ILF2: variants seen among roughly 807,000 people sequenced by gnomAD.
ILF2 encodes the protein interleukin enhancer binding factor 2.
Under a neutral mutation model 55.3 loss-of-function variants are expected in ILF2, and 9 were observed. The observed-to-expected ratio is 0.16, with a 90% CI of 0.10 to 0.28. The LOEUF (loss-of-function observed/expected upper bound fraction) is 0.28, where lower values mean the gene tolerates loss of function less well. ILF2 is among the 10% of genes least tolerant of loss of function. The probability of loss-of-function intolerance (pLI) is 1.00; values close to 1 mark genes in which losing one functional copy is unlikely to be tolerated. For missense variants in ILF2, 266 were observed against 474.9 expected, an observed-to-expected ratio of 0.56 and a Z score of 4.09; for synonymous variants, 151 against 161.8, an observed-to-expected ratio of 0.93 and a Z score of 0.50.
chr1:153,663,193 C>T (rs764018186), intron 11 of ILF2, 22 bp downstream of exon 11: 2 of 1,614,016 alleles, frequency 1.2e-6, no homozygotes, highest in African/African-American at 1.3e-5. Context: ...ACAACCAACC[C>T]TAAACCCAAA....
chr1:153,668,426 T>A (rs1669361865), intron 4 of ILF2, 27 bp downstream of exon 4: 1 of 1,613,892 alleles, frequency 6.2e-7, no homozygotes, highest in Non-Finnish European at 8.5e-7. Context: ...TTAGAGACAT[T>A]TCTGGAAGAC....
chr1:153,664,979 C>T (rs138199848), intron 8 of ILF2, among the ~76,000 whole-genome samples: 2 of 152,354 alleles, frequency 1.3e-5, no homozygotes, highest in African/African-American at 4.8e-5. Flanking sequence ...TAAATATTTT[C>T]TCAGTCCTTT....
At chr1:153,664,862 C>G (rs1669269345) in intron 8 of ILF2, among the ~76,000 whole-genome samples, 1 of 152,182 alleles carries the variant, frequency 6.6e-6, no homozygotes, top group Non-Finnish European at 1.5e-5. Context: ...CCGACCAACT[C>G]TGCAATTCTT....
At position 153,665,346 on chromosome 1, in the gene ILF2, CAG is replaced by C; in HGVS notation, c.461-12_461-11del. ...GTCAGCATGGTTAAAACTGAAAAAA[CAG>C]AATAAACAAAAACTATAACTCACAT... On this transcript the variant is annotated splice_polypyrimidine_tract_variant and intron_variant, in intron 7 of 13. Coordinates refer to ENST00000361891, the MANE Select transcript of ILF2 (RefSeq NM_004515.4). The C allele has an allele frequency of 6.5e-7, 1 of 1,527,460 alleles. No homozygotes were observed. Among genetic ancestry groups the C allele is most frequent in the South Asian group, 1.1e-5 (1 of 88,548 alleles). The allele number at this position is 1,527,460 out of a possible 1,614,324, so 94.6% of individuals were successfully genotyped here.
intron 3 of ILF2, among the ~76,000 whole-genome samples, chr1:153,668,900 A>C (rs1421660655): frequency 1.3e-5 from 2 of 151,858 alleles, no homozygotes; most frequent in African/African-American, 4.8e-5. Context: ...CCTGCCTCAA[A>C]AAAAAAAATT....
At chr1:153,664,210 T>C (rs1669249623) in intron 9 of ILF2, 80 bp from the exon 10 acceptor site, 1 of 1,002,766 alleles carries the variant, frequency 1.0e-6, no homozygotes, top group Admixed American at 2.1e-5. Context: ...AAGCTGACTA[T>C]GCTATTTCCA....
intron 2 of ILF2, 65 bp from the exon 3 acceptor site, chr1:153,669,943 C>T: frequency 2.2e-6 from 3 of 1,378,082 alleles, no homozygotes; most frequent in Non-Finnish European, 2.1e-6. Flanking sequence ...AAATAACACG[C>T]CAACAATTTT....
At position 153,661,875 on chromosome 1, in the gene ILF2, C is replaced by CCTT. The variant is rs1332501975; in HGVS notation, c.*518_*520dup. The CCTT allele has an allele frequency of 6.4e-6, 1 of 155,246 alleles. No homozygotes were observed. Among genetic ancestry groups the CCTT allele is most frequent in the African/African-American group, 2.4e-5 (1 of 41,438 alleles). The allele number at this position is 155,246 out of a possible 1,614,324, so 9.6% of individuals were successfully genotyped here. A position where few individuals can be genotyped will look rare whatever the true frequency, so the allele number is the denominator to read the frequency against. On this transcript the variant is annotated 3_prime_UTR_variant, in exon 14 of 14. Transcript: ENST00000361891. ...ATATGGAAAGGTTCCAGGAGTTTGT[C>CCTT]CTTTAATTCAAAGACAGCTTCAAAT...
chr1:153,665,199 A>C (rs1669276525), intron 8 of ILF2, 21 bp downstream of exon 8: 3 of 1,381,328 alleles, frequency 2.2e-6, no homozygotes, highest in Non-Finnish European at 3.1e-6. Flanking sequence ...ATTTTCCAGC[A>C]ATGGAAAAAA....
At chr1:153,662,645 T>C in intron 13 of ILF2, 60 bp downstream of exon 13, 1 of 1,557,266 alleles carries the variant, frequency 6.4e-7, no homozygotes, top group Non-Finnish European at 8.9e-7. Context: ...ATTTAAGTAG[T>C]GTACAGCTTC....
chr1:153,670,900 C>G lies in ILF2; in HGVS notation c.5+18G>C, dbSNP rs753865777. 1 of 1,614,186 alleles carries G rather than the reference C, an allele frequency of 6.2e-7. No homozygotes were observed. Among genetic ancestry groups the G allele is most frequent in the Non-Finnish European group, 8.5e-7 (1 of 1,180,004 alleles). On this transcript the variant is annotated intron_variant, in intron 1 of 13. Coordinates refer to ENST00000361891, the MANE Select transcript of ILF2 (RefSeq NM_004515.4). ...CCGTCGAATACCTGAAACCTTTCGA[C>G]CGCTTCGACCCACTTACCTCATGGC...
Position 153,662,362 on chromosome 1 carries a change from TC to T in ILF2, c.*33del, listed in dbSNP as rs755571710. ...TAGCAGGCAGCTTAGGCTCCAGTCT[TC>T]CCCCTTGGGTAGGAAAAGGAGTGAA... On this transcript the variant is annotated 3_prime_UTR_variant, in exon 14 of 14. Coordinates refer to ENST00000361891, the MANE Select transcript of ILF2 (RefSeq NM_004515.4). The T allele has an allele frequency of 9.9e-6, 16 of 1,612,858 alleles. No homozygotes were observed. In the South Asian group the frequency reaches 1.6e-4, roughly 17 times the overall value.
In ILF2 at chr1:153,663,120, T is replaced by C; in HGVS notation, c.820A>G (p.Ile274Val). Residue 274 changes from isoleucine to valine, a missense_variant, in exon 12 of 14, where the codon ATT becomes GTT. Ile to Val is a conservative substitution (Grantham distance 29). Coordinates refer to ENST00000361891, the MANE Select transcript of ILF2 (RefSeq NM_004515.4). ...LNVAYRRCLQILAAGLFLPGS... is the reference protein window; with the variant it reads ...LNVAYRRCLQVLAAGLFLPGS... ...GGCAGGAACAGTCCTGCAGCCAGAA[T>C]CTGCAAGCAGCGCCTAGAACACAGG... The C allele has an allele frequency of 6.2e-7, 1 of 1,614,108 alleles. No individual in the cohort carries two copies. Among genetic ancestry groups the C allele is most frequent in the Non-Finnish European group, 8.5e-7 (1 of 1,180,002 alleles).
At chr1:153,668,122 G>A in intron 4 of ILF2, 45 bp from the exon 5 acceptor site, 1 of 1,388,448 alleles carries the variant, frequency 7.2e-7, no homozygotes, top group Non-Finnish European at 1.0e-6. Context: ...AAAATTATAA[G>A]CAATTTCTCA....
rs527476237 is a variant in ILF2 at position 153,664,416 on chromosome 1, C to A, written c.636G>T (p.Glu212Asp). 6.2e-7 allele frequency: 1 copy of A among 1,614,032 alleles called. No homozygotes were observed. The change falls in exon 9 of 14, where the codon GAG (glutamate) becomes GAT (aspartate). Residue 212 changes from glutamate to aspartate, a missense_variant. Transcript: ENST00000361891. ...LAAIRHARWF[E>D]ENASQSTVKV... ...CTCACGTGGACTGAGAAGCATTTTC[C>A]TCGAACCAGCGGGCATGTCGGATGG...
rs754821957 is a variant in ILF2 at position 153,665,626 on chromosome 1, A to G, written c.460+37T>C. 1.2e-5 allele frequency: 19 copies of G among 1,528,182 alleles called. No homozygotes were observed. In the South Asian group the frequency reaches 1.9e-4, roughly 15 times the overall value. The allele number at this position is 1,528,182 out of a possible 1,614,324, so 94.7% of individuals were successfully genotyped here. A position where few individuals can be genotyped will look rare whatever the true frequency, so the allele number is the denominator to read the frequency against. Reference sequence around the variant, plus strand: ...CTTACAATTACAAGACCTGGTTCCTATGGCTACTAAATACAGAATCAGCAA... The same window carrying G: ...CTTACAATTACAAGACCTGGTTCCTGTGGCTACTAAATACAGAATCAGCAA... On this transcript the variant is annotated intron_variant, in intron 7 of 13. Coordinates refer to ENST00000361891, the MANE Select transcript of ILF2 (RefSeq NM_004515.4).
In ILF2 at chr1:153,670,981, G is replaced by A. The variant is rs1285799691; in HGVS notation, c.-59C>T. On this transcript the variant is annotated 5_prime_UTR_variant, in exon 1 of 14. Coordinates refer to ENST00000361891, the MANE Select transcript of ILF2 (RefSeq NM_004515.4). ...CAACCGCCCCTTCCTCTGAGTAGCA[G>A]ACAACTGAAGAGGCGTCTTGCCGGC... 6.2e-7 allele frequency: 1 copy of A among 1,609,078 alleles called. No homozygotes were observed. Among genetic ancestry groups the A allele is most frequent in the African/African-American group, 1.3e-5 (1 of 74,826 alleles).
chr1:153,665,389 A>G (rs1669280455), intron 7 of ILF2, 53 bp from the exon 8 acceptor site: 1 of 1,230,124 alleles, frequency 8.1e-7, no homozygotes, highest in Non-Finnish European at 1.2e-6. Context: ...TTAGATGATC[A>G]AAGTTAAATC....
In ILF2 at chr1:153,665,154, A is replaced by C. The variant is rs1170183278; in HGVS notation, c.577+66T>G. On this transcript the variant is annotated intron_variant, in intron 8 of 13. Coordinates refer to ENST00000361891, the MANE Select transcript of ILF2 (RefSeq NM_004515.4). Reference sequence around the variant, plus strand: ...GAATAGCAACAAGCTAAGTAAACTAAACAGCAACAATACCATGTTTTGAAT... The same window carrying C: ...GAATAGCAACAAGCTAAGTAAACTACACAGCAACAATACCATGTTTTGAAT... The C allele has an allele frequency of 5.3e-6, 5 of 937,878 alleles. No individual in the cohort carries two copies. The East Asian group carries it at 1.2e-4, about 22-fold the overall frequency. The allele number at this position is 937,878 out of a possible 1,614,324, so 58.1% of individuals were successfully genotyped here.
Sources: gnomAD v4.1 joint callset for allele counts (sites outside exome capture counted in the v4.1 genomes callset) on GRCh38, gnomAD v4.1.1 for gene constraint, MANE v1.5 for transcripts, NCBI Gene and HGNC (gene_info 2026-07-23, HGNC 2026-07-21) for gene names.